CEP128: variants seen among roughly 807,000 people sequenced by gnomAD.
The protein encoded by CEP128 is centrosomal protein 128kDa.
In CEP128, 132 loss-of-function variants were observed where a neutral mutation model predicts 156.7. The observed-to-expected ratio is 0.84, with a 90% confidence interval of 0.73 to 0.97. The LOEUF is 0.97. CEP128 is among the 50% of genes least tolerant of loss of function. The probability of loss-of-function intolerance (pLI) is 0.00; values close to 1 mark genes in which losing one functional copy is unlikely to be tolerated. For missense variants in CEP128, 1,252 were observed against 1,281.9 expected, an observed-to-expected ratio of 0.98 and a Z score of 0.36; for synonymous variants, 469 against 448.9, an observed-to-expected ratio of 1.04 and a Z score of -0.57.
intron 23 of CEP128, among the ~76,000 whole-genome samples, chr14:80,515,142 C>G (rs1888430457): frequency 6.6e-6 from 1 of 152,166 alleles, no homozygotes; most frequent in Admixed American, 6.5e-5. Flanking sequence ...ATAGAAACAT[C>G]CCTGTAATCA....
At chr14:80,871,916 A>G (rs192286403) in intron 8 of CEP128, among the ~76,000 whole-genome samples, 2 of 152,268 alleles carry the variant, frequency 1.3e-5, no homozygotes, top group East Asian at 3.9e-4. Context: ...TCGCTTTTCA[A>G]TATGTTGATT....
chr14:80,566,367 C>T (rs1890908702), intron 20 of CEP128, among the ~76,000 whole-genome samples: 1 of 152,072 alleles, frequency 6.6e-6, no homozygotes, highest in African/African-American at 2.4e-5. Context: ...ATTAAAAGAG[C>T]TAGAAGTCAT....
At chr14:80,771,675 A>G (rs1595374943) in intron 16 of CEP128, among the ~76,000 whole-genome samples, 1 of 152,228 alleles carries the variant, frequency 6.6e-6, no homozygotes, top group Admixed American at 6.5e-5. Context: ...GTCTTAAACT[A>G]TCTCTTAATT....
At chr14:80,673,667 AAAAAT>A (rs1895944186) in intron 19 of CEP128, among the ~76,000 whole-genome samples, 1 of 149,062 alleles carries the variant, frequency 6.7e-6, no homozygotes, top group African/African-American at 2.5e-5. Context: ...AAAAAAAAAA[AAAAAT>A]GTACTAAAGC....
At chr14:80,561,158 T>G (rs1399434777) in intron 20 of CEP128, among the ~76,000 whole-genome samples, 1 of 152,202 alleles carries the variant, frequency 6.6e-6, no homozygotes, top group Non-Finnish European at 1.5e-5. Context: ...CAGTTGCACA[T>G]TTCCACCCTG....
intron 1 of CEP128, among the ~76,000 whole-genome samples, chr14:80,940,269 G>C (rs1886071655): frequency 6.6e-6 from 1 of 152,172 alleles, no homozygotes; most frequent in Non-Finnish European, 1.5e-5. Context: ...TACGCTGAGA[G>C]AACATAGGCA....
chr14:80,591,474 T>A (rs547769675), intron 19 of CEP128, among the ~76,000 whole-genome samples: 6 of 152,040 alleles, frequency 3.9e-5, no homozygotes, highest in African/African-American at 1.4e-4. Context: ...ATTATATATG[T>A]ACCCAATATA....
intron 18 of CEP128, among the ~76,000 whole-genome samples, chr14:80,745,612 T>C (rs576202359): frequency 6.6e-5 from 10 of 152,254 alleles, no homozygotes; most frequent in Admixed American, 2.6e-4. Context: ...CTTAATATGA[T>C]TTTTAAAATA....
At chr14:80,766,118 C>A (rs1377511643) in intron 16 of CEP128, among the ~76,000 whole-genome samples, 1 of 152,114 alleles carries the variant, frequency 6.6e-6, no homozygotes, top group Admixed American at 6.6e-5. Flanking sequence ...TTTAAAGGGG[C>A]TATCCATCTG....
intron 19 of CEP128, among the ~76,000 whole-genome samples, chr14:80,616,342 C>A (rs939618901): frequency 6.6e-6 from 1 of 152,118 alleles, no homozygotes; most frequent in African/African-American, 2.4e-5. Context: ...GGTGTTCTTG[C>A]ATTTTCTCAT....
At chr14:80,502,512 T>A (rs1215825886) in intron 24 of CEP128, among the ~76,000 whole-genome samples, 1 of 152,172 alleles carries the variant, frequency 6.6e-6, no homozygotes, top group Non-Finnish European at 1.5e-5. Flanking sequence ...TATTGTCTCA[T>A]TCTTTTTCTT....
chr14:80,584,839 T>C (rs10145466), intron 19 of CEP128, among the ~76,000 whole-genome samples: 87,257 of 152,002 alleles, frequency 0.57, 25,367 homozygotes, highest in East Asian at 0.72. Flanking sequence ...TTATCAGCAT[T>C]GAAAGAGCTG....
intron 19 of CEP128, among the ~76,000 whole-genome samples, chr14:80,615,782 G>A (rs948246717): frequency 2.0e-5 from 3 of 152,174 alleles, no homozygotes; most frequent in Non-Finnish European, 4.4e-5. Context: ...CCGGGAGGCA[G>A]AGTTGCACTG....
At chr14:80,785,773 A>G (rs189205614) in intron 14 of CEP128, among the ~76,000 whole-genome samples, 23 of 152,312 alleles carry the variant, frequency 1.5e-4, no homozygotes, top group Non-Finnish European at 2.1e-4. Flanking sequence ...ATGTATTTCA[A>G]ATTTTCATCA....
chr14:80,916,610 G>T, intron 2 of CEP128, 48 bp from the exon 3 acceptor site: 1 of 1,434,578 alleles, frequency 7.0e-7, no homozygotes, highest in Non-Finnish European at 9.6e-7. Context: ...AAAAAGCATG[G>T]AAATAAAAGA....
At position 80,764,225 on chromosome 14, in the gene CEP128, G is replaced by A. The variant is rs920689523; in HGVS notation, c.2377-2612C>T. Among the ~76,000 whole-genome samples, 8 of 152,262 alleles carry A rather than the reference G, an allele frequency of 5.3e-5. No homozygotes were observed. In the East Asian group the frequency reaches 9.7e-4, roughly 18 times the overall value. On this transcript the variant is annotated intron_variant, in intron 16 of 24. Transcript: ENST00000555265. Reference sequence around the variant, plus strand: ...AGAAAATTTCATTATCCGGCCGGGCGCGGTGGCTCACGCCTGTAATCCCAG... The same window carrying A: ...AGAAAATTTCATTATCCGGCCGGGCACGGTGGCTCACGCCTGTAATCCCAG...
chr14:80,927,008 A>C (rs1281224993), intron 2 of CEP128, among the ~76,000 whole-genome samples: 1 of 152,184 alleles, frequency 6.6e-6, no homozygotes, highest in Non-Finnish European at 1.5e-5. Flanking sequence ...CTGTTGGGAA[A>C]CTGGAGGACA....
At chr14:80,696,445 T>C (rs928549669) in intron 19 of CEP128, among the ~76,000 whole-genome samples, 2 of 151,906 alleles carry the variant, frequency 1.3e-5, no homozygotes, top group Admixed American at 6.6e-5. Context: ...ACATGAGATA[T>C]GAAAAGATAA....
At chr14:80,559,136 AG>A in intron 21 of CEP128, 142 bp downstream of exon 21, 1 of 722,836 alleles carries the variant, frequency 1.4e-6, no homozygotes. Flanking sequence ...TTTTAGATAC[AG>A]TTTAGCTTGT....
Sources: allele counts gnomAD v4.1 joint callset (sites outside exome capture counted in the v4.1 genomes callset), GRCh38; gene constraint gnomAD v4.1.1; transcripts MANE v1.5; gene names NCBI Gene and HGNC (gene_info 2026-07-23, HGNC 2026-07-21).